The following DGKB variants were observed in gnomAD, a reference collection of about 807,000 sequenced individuals.
The protein encoded by DGKB is diacylglycerol kinase beta.
In DGKB, 67 loss-of-function variants were observed where a neutral mutation model predicts 114.3. That is an observed-to-expected ratio of 0.59 (90% CI 0.48 to 0.72). The LOEUF (loss-of-function observed/expected upper bound fraction) is 0.72. Ranked by LOEUF, DGKB falls within the 30% of genes least tolerant of loss-of-function variation. The pLI is 0.00. For synonymous variants in DGKB, 398 were observed against 323.1 expected (o/e 1.23, Z -2.49); for missense variants, 907 against 975.2 (o/e 0.93, Z 0.93).
At chr7:14,345,141 G>A (rs1047632298) in intron 22 of DGKB, among the ~76,000 whole-genome samples, 160 bp downstream of exon 22, 3 of 151,436 alleles carry the variant, frequency 2.0e-5, no homozygotes, top group African/African-American at 7.3e-5. Context: ...AGATAGTGCT[G>A]TATTCCAAAT....
intron 3 of DGKB, 40 bp downstream of exon 3, chr7:14,757,615 G>A (rs1224622342): frequency 8.8e-7 from 1 of 1,141,974 alleles, no homozygotes; most frequent in East Asian, 2.4e-5. Context: ...CCTCTTCCAA[G>A]CATATATACG....
At chr7:14,841,041 G>C (rs965797980) in intron 2 of DGKB, among the ~76,000 whole-genome samples, 153 bp downstream of exon 2, 3 of 152,096 alleles carry the variant, frequency 2.0e-5, no homozygotes, top group South Asian at 2.1e-4. Context: ...GTGTCAAAAA[G>C]GTAGTCTCAA....
At chr7:14,876,427 G>T (rs1853296351) in intron 1 of DGKB, among the ~76,000 whole-genome samples, 1 of 152,194 alleles carries the variant, frequency 6.6e-6, no homozygotes, top group African/African-American at 2.4e-5. Context: ...GTTTTCTTCT[G>T]CCTCTGGCTT....
chr7:14,571,288 C>T (rs34873470), intron 20 of DGKB, among the ~76,000 whole-genome samples: 2,382 of 152,292 alleles, frequency 0.016, 21 homozygotes, highest in Middle Eastern at 0.034. Flanking sequence ...GTGGAATAAG[C>T]TAAGAAAACA....
intron 23 of DGKB, among the ~76,000 whole-genome samples, chr7:14,198,041 A>G (rs1785273123): frequency 6.6e-6 from 1 of 152,046 alleles, no homozygotes; most frequent in African/African-American, 2.4e-5. Context: ...GTGATGTTTC[A>G]GAGTTGACCT....
At chr7:14,445,955 G>A (rs540304131) in intron 21 of DGKB, among the ~76,000 whole-genome samples, 4 of 152,060 alleles carry the variant, frequency 2.6e-5, no homozygotes, top group Admixed American at 2.6e-4. Flanking sequence ...CTACACTGAA[G>A]GGCTCACAGA....
intron 17 of DGKB, among the ~76,000 whole-genome samples, chr7:14,586,643 G>A (rs1222779540): frequency 6.6e-6 from 1 of 152,042 alleles, no homozygotes; most frequent in Non-Finnish European, 1.5e-5. Context: ...CAAAGAACAG[G>A]CTGACTCTCC....
At chr7:14,956,849 T>C (rs1261898725) in intron 1 of DGKB, among the ~76,000 whole-genome samples, 2 of 149,022 alleles carry the variant, frequency 1.3e-5, no homozygotes, top group African/African-American at 4.9e-5. Context: ...GGAAAAGTCG[T>C]TTCAATTTTT....
intron 6 of DGKB, among the ~76,000 whole-genome samples, chr7:14,703,857 C>T (rs1825655990): frequency 1.3e-5 from 2 of 152,106 alleles, no homozygotes; most frequent in African/African-American, 2.4e-5. Flanking sequence ...TTGAAATAAA[C>T]CCGTTTCTAT....
At chr7:14,680,145 T>C (rs895038374) in intron 12 of DGKB, among the ~76,000 whole-genome samples, 2 of 151,948 alleles carry the variant, frequency 1.3e-5, no homozygotes, top group East Asian at 3.9e-4. Context: ...TTTTTTTTCT[T>C]TCTGACTCTG....
rs114323551 is a variant in DGKB, at chr7:14,758,472, C to T, written c.71-741G>A. 1.7e-3 allele frequency among the ~76,000 whole-genome samples: 253 copies of T among 152,002 alleles called. 1 individual carries two copies. Among genetic ancestry groups the T allele is most frequent in the Middle Eastern group, 0.014 (4 of 286 alleles). On this transcript the variant is annotated intron_variant, in intron 2 of 25. Transcript: ENST00000402815. ...TGATTTAGAAATCTCAGAATTACAA[C>T]GCATTTTTAAGTTAGAAGGAAATAA... is the stretch of plus-strand genomic sequence containing the variant.
chr7:14,612,554 A>T (rs1805753493), intron 16 of DGKB, among the ~76,000 whole-genome samples: 1 of 152,262 alleles, frequency 6.6e-6, no homozygotes, highest in African/African-American at 2.4e-5. Flanking sequence ...AAATTACTTT[A>T]TTCATGGAAA....
At chr7:14,453,059 C>T (rs1831761308) in intron 21 of DGKB, among the ~76,000 whole-genome samples, 1 of 152,186 alleles carries the variant, frequency 6.6e-6, no homozygotes, top group Non-Finnish European at 1.5e-5. Flanking sequence ...ATGGCTTACA[C>T]ATATAGTGAT....
At chr7:14,918,923 C>T (rs1370436287) in intron 1 of DGKB, among the ~76,000 whole-genome samples, 6 of 151,784 alleles carry the variant, frequency 4.0e-5, no homozygotes, top group Non-Finnish European at 7.4e-5. Context: ...ATTAGCCGGG[C>T]GTGGTGGCAG....
chr7:14,728,831 T>A (rs550741541), intron 5 of DGKB, among the ~76,000 whole-genome samples: 1 of 151,500 alleles, frequency 6.6e-6, no homozygotes, highest in South Asian at 2.1e-4. Context: ...GCCTCCCGAG[T>A]AACTAGGATT....
chr7:14,252,021 G>C (rs1014347482), intron 23 of DGKB, among the ~76,000 whole-genome samples: 1 of 152,050 alleles, frequency 6.6e-6, no homozygotes, highest in African/African-American at 2.4e-5. Flanking sequence ...TTCATGGATT[G>C]GGATGTTCAT....
At chr7:14,778,496 C>T (rs1838562894) in intron 2 of DGKB, among the ~76,000 whole-genome samples, 1 of 152,058 alleles carries the variant, frequency 6.6e-6, no homozygotes. Context: ...TAGGATTGTA[C>T]AAATAAAATG....
intron 15 of DGKB, among the ~76,000 whole-genome samples, chr7:14,616,187 GTATATACATA>G (rs929398963): frequency 2.7e-5 from 4 of 146,956 alleles, no homozygotes; most frequent in African/African-American, 5.0e-5. Flanking sequence ...ACATTCTCTC[GTATATACATA>G]TATATACATA....
intron 2 of DGKB, among the ~76,000 whole-genome samples, 186 bp from the exon 3 acceptor site, chr7:14,757,917 A>G (rs559015986): frequency 1.3e-5 from 2 of 152,170 alleles, no homozygotes; most frequent in Non-Finnish European, 2.9e-5. Flanking sequence ...ATTGCAAAGG[A>G]GCAAAAAGAT....
Sources: allele counts gnomAD v4.1 joint callset (sites outside exome capture counted in the v4.1 genomes callset), GRCh38; gene constraint gnomAD v4.1.1; transcripts MANE v1.5; gene names NCBI Gene and HGNC (gene_info 2026-07-23, HGNC 2026-07-21).